ESR1: variants seen among roughly 807,000 people sequenced by gnomAD.
The protein encoded by ESR1 is estrogen receptor 1, also known as estrogen receptor.
A neutral mutation model predicts 52.7 loss-of-function variants in ESR1; 12 were observed. The ratio of observed to expected loss-of-function variants is 0.23; its 90% CI spans 0.15 to 0.37. The LOEUF (loss-of-function observed/expected upper bound fraction) is 0.37, where lower values mean the gene tolerates loss of function less well. Ranked by LOEUF, ESR1 falls within the 10% of genes least tolerant of loss-of-function variation. The pLI is 1.00. For missense variants in ESR1, 584 were observed against 779.7 expected (o/e 0.75, Z 2.99); for synonymous variants, 305 against 316.8 (o/e 0.96, Z 0.39).
At chr6:151,917,186 A>T (rs1253351599) in intron 3 of ESR1, among the ~76,000 whole-genome samples, 1 of 152,144 alleles carries the variant, frequency 6.6e-6, no homozygotes, top group Non-Finnish European at 1.5e-5. Context: ...AAGTGGGGAG[A>T]CTACTGTTTA....
chr6:151,980,640 T>A (rs1306094275), intron 4 of ESR1, among the ~76,000 whole-genome samples: 1 of 152,200 alleles, frequency 6.6e-6, no homozygotes, highest in Non-Finnish European at 1.5e-5. Flanking sequence ...TCATGTAGCA[T>A]GTCTGGGTTA....
chr6:151,922,087 A>G (rs1205189210), intron 3 of ESR1, among the ~76,000 whole-genome samples: 1 of 152,174 alleles, frequency 6.6e-6, no homozygotes, highest in Non-Finnish European at 1.5e-5. Context: ...AATAACCAAA[A>G]CAGCATGGTA....
At chr6:151,806,557 T>TATATATATATATAC (rs1554259008), upstream of ESR1, among the ~76,000 whole-genome samples, 972 of 133,642 alleles carry the variant, frequency 7.3e-3, 16 homozygotes, top group African/African-American at 0.022. Flanking sequence ...TATATATATA[T>TATATATATATATAC]ACACATATAT....
At chr6:152,014,661 C>G (rs1212516477) in intron 5 of ESR1, among the ~76,000 whole-genome samples, 1 of 152,126 alleles carries the variant, frequency 6.6e-6, no homozygotes, top group Non-Finnish European at 1.5e-5. Context: ...TGAACTGCTT[C>G]TGAATCCAGA....
intron 6 of ESR1, among the ~76,000 whole-genome samples, chr6:152,076,846 G>A (rs1260968709): frequency 6.6e-6 from 1 of 152,150 alleles, no homozygotes; most frequent in African/African-American, 2.4e-5. Flanking sequence ...ACATTCAAAA[G>A]GTGACTTGGG....
At chr6:151,824,775 G>A (rs777096476) in intron 1 of ESR1, among the ~76,000 whole-genome samples, 28 of 152,178 alleles carry the variant, frequency 1.8e-4, no homozygotes, top group Admixed American at 1.3e-4. Context: ...CAAAAAATTA[G>A]CCGGGCGTGG....
Position 151,817,463 on chromosome 6 carries a change from A to C in ESR1, c.452+9099A>C, listed in dbSNP as rs544739935. Among the ~76,000 whole-genome samples, 3 of 152,308 alleles carry C rather than the reference A, an allele frequency of 2.0e-5. No homozygotes were observed. The South Asian group carries it at 6.2e-4, about 32-fold the overall frequency. On this transcript the variant is annotated intron_variant, in intron 1 of 7. Coordinates refer to ENST00000206249, the MANE Select transcript of ESR1 (RefSeq NM_000125.4). ...ACCATGAGGAGCACTATTCAAACCCAGGTCTGCTAGATTTCCAAGTCTTCA... is the reference window on the plus strand; with the variant it reads ...ACCATGAGGAGCACTATTCAAACCCCGGTCTGCTAGATTTCCAAGTCTTCA...
At chr6:151,868,957 A>G (rs1031020666) in intron 2 of ESR1, among the ~76,000 whole-genome samples, 1 of 152,128 alleles carries the variant, frequency 6.6e-6, no homozygotes. Context: ...AGACATGCAT[A>G]TTCCACCCCC....
intron 6 of ESR1, among the ~76,000 whole-genome samples, chr6:152,079,575 C>A (rs2049024313): frequency 6.6e-6 from 1 of 152,176 alleles, no homozygotes. Context: ...AACCAGAGCG[C>A]CTCTTCTGCT....
At chr6:151,920,766 G>GT (rs142525789) in intron 3 of ESR1, among the ~76,000 whole-genome samples, 2,052 of 152,126 alleles carry the variant, frequency 0.013, 43 homozygotes, top group African/African-American at 0.047. Context: ...TCATCACATC[G>GT]TATCAAGGGT....
chr6:151,692,226 A>G (rs1475905104), intron 1 of ESR1, among the ~76,000 whole-genome samples: 1 of 152,216 alleles, frequency 6.6e-6, no homozygotes, highest in Non-Finnish European at 1.5e-5. Context: ...GTTTAGAGCT[A>G]GCTACCATCT....
chr6:151,695,584 G>A (rs1779275891), intron 1 of ESR1, among the ~76,000 whole-genome samples: 1 of 152,140 alleles, frequency 6.6e-6, no homozygotes, highest in African/African-American at 2.4e-5. Flanking sequence ...AGGTCCTTTT[G>A]CAAACGGATG....
intron 2 of ESR1, among the ~76,000 whole-genome samples, chr6:151,872,889 A>C (rs967538812): frequency 3.3e-5 from 5 of 152,188 alleles, no homozygotes; most frequent in African/African-American, 1.2e-4. Flanking sequence ...TGGACTGTGC[A>C]TTTCATCCTT....
intron 2 of ESR1, among the ~76,000 whole-genome samples, chr6:151,759,107 T>G (rs1784477452): frequency 6.6e-6 from 1 of 151,732 alleles, no homozygotes; most frequent in Admixed American, 6.6e-5. Flanking sequence ...ACACTCTGTC[T>G]CTACTAAAAC....
intron 4 of ESR1, among the ~76,000 whole-genome samples, chr6:151,967,603 G>T (rs1053181213): frequency 6.6e-6 from 1 of 152,156 alleles, no homozygotes; most frequent in Non-Finnish European, 1.5e-5. Context: ...ATTTGGGTTG[G>T]TTCCAAGTCT....
At chr6:151,669,099 G>A (rs563288976) in intron 1 of ESR1, among the ~76,000 whole-genome samples, 8 of 148,716 alleles carry the variant, frequency 5.4e-5, no homozygotes, top group Non-Finnish European at 8.9e-5. Context: ...GGCCAGAGCC[G>A]TGCTTCGGGG....
chr6:151,871,807 C>T (rs750222172), intron 2 of ESR1, among the ~76,000 whole-genome samples: 27 of 152,120 alleles, frequency 1.8e-4, no homozygotes, highest in East Asian at 3.9e-4. Flanking sequence ...ATTCTAGGTA[C>T]GTCATGTAAG....
At chr6:152,030,208 G>A (rs952660804) in intron 5 of ESR1, among the ~76,000 whole-genome samples, 8 of 152,166 alleles carry the variant, frequency 5.3e-5, no homozygotes, top group Non-Finnish European at 8.8e-5. Context: ...AAAGACCATC[G>A]AGGCTAGGAA....
chr6:151,950,822 C>T (rs975497552), intron 4 of ESR1, among the ~76,000 whole-genome samples: 2 of 150,820 alleles, frequency 1.3e-5, no homozygotes, highest in African/African-American at 4.9e-5. Context: ...GTTTTTGAAG[C>T]CACCTAGTTT....
Sources: gnomAD v4.1 joint callset for allele counts (sites outside exome capture counted in the v4.1 genomes callset) on GRCh38, gnomAD v4.1.1 for gene constraint, MANE v1.5 for transcripts, NCBI Gene and HGNC (gene_info 2026-07-23, HGNC 2026-07-21) for gene names.